The following KLHL29 variants were observed in gnomAD, a reference collection of about 807,000 sequenced individuals.
KLHL29 encodes kelch-like protein 29.
Under a neutral mutation model 80.4 loss-of-function variants are expected in KLHL29, and 21 were observed. The observed-to-expected ratio is 0.26, with a 90% CI of 0.19 to 0.38. The LOEUF (loss-of-function observed/expected upper bound fraction) is 0.38. Among genes scored for constraint, KLHL29 ranks in the 10% least tolerant of loss-of-function variants. The pLI is 1.00. For synonymous variants in KLHL29, 511 were observed against 526.8 expected, an observed-to-expected ratio of 0.97 and a Z score of 0.41; for missense variants, 867 against 1,223.9, an observed-to-expected ratio of 0.71 and a Z score of 4.35.
intron 3 of KLHL29, among the ~76,000 whole-genome samples, chr2:23,597,658 C>G (rs1668463109): frequency 6.6e-6 from 1 of 151,810 alleles, no homozygotes; most frequent in Non-Finnish European, 1.5e-5. Flanking sequence ...CTCCTGGCCT[C>G]AAGTGATCTG....
rs1019694789 is a variant in KLHL29 at position 23,480,729 on chromosome 2, C to A, written c.-46+5062C>A. Among the ~76,000 whole-genome samples the A allele has an allele frequency of 2.6e-5, 4 of 152,258 alleles. 1 individual carries two copies. Among genetic ancestry groups the A allele is most frequent in the Middle Eastern group, 3.4e-3 (1 of 294 alleles). ...CATCTTTCAGTTCCTTTAAAATCTACCCCCTGGATCAAGCCATCCAAAAGC... is the reference window on the plus strand; with the variant it reads ...CATCTTTCAGTTCCTTTAAAATCTAACCCCTGGATCAAGCCATCCAAAAGC... On this transcript the variant is annotated intron_variant, in intron 2 of 13. Transcript: ENST00000486442.
chr2:23,673,717 CCCTACACA>C (rs1670841547), intron 5 of KLHL29, among the ~76,000 whole-genome samples: 1 of 146,438 alleles, frequency 6.8e-6, no homozygotes, highest in Admixed American at 6.8e-5. Flanking sequence ...ACACACACAC[CCCTACACA>C]GGCACATACA....
In KLHL29 at chr2:23,541,138, G is replaced by A. The variant is rs552236427; in HGVS notation, c.-45-21014G>A. ...AGATTTCACAACTGAATTCTGTTGG[G>A]AACCTTTCTCACTTTCTTCGCTTGA... On this transcript the variant is annotated intron_variant, in intron 2 of 13. Transcript: ENST00000486442. 9.2e-5 allele frequency among the ~76,000 whole-genome samples: 14 copies of A among 152,346 alleles called. No individual in the cohort carries two copies. In the South Asian group the frequency reaches 2.7e-3, roughly 29 times the overall value.
At chr2:23,421,989 G>A (rs1483785023) in intron 1 of KLHL29, among the ~76,000 whole-genome samples, 1 of 109,410 alleles carries the variant, frequency 9.1e-6, no homozygotes, top group Admixed American at 8.1e-5. Context: ...GTGTTCATGT[G>A]TTTGTCTCTG....
At chr2:23,433,398 A>C (rs1396179026) in intron 1 of KLHL29, among the ~76,000 whole-genome samples, 1 of 152,118 alleles carries the variant, frequency 6.6e-6, no homozygotes, top group East Asian at 1.9e-4. Flanking sequence ...CATCATCCCC[A>C]TGAGGGAATC....
At chr2:23,623,532 A>G (rs1669237373) in intron 3 of KLHL29, among the ~76,000 whole-genome samples, 1 of 152,132 alleles carries the variant, frequency 6.6e-6, no homozygotes, top group South Asian at 2.1e-4. Flanking sequence ...CTGGGAGGAA[A>G]GCTCAAAGTG....
chr2:23,478,034 G>A (rs1664684022), intron 2 of KLHL29, among the ~76,000 whole-genome samples: 1 of 152,164 alleles, frequency 6.6e-6, no homozygotes, highest in Non-Finnish European at 1.5e-5. Context: ...AGTTTCACCA[G>A]GCATAGCTGG....
chr2:23,696,581 C>CT lies in KLHL29; in HGVS notation c.2105+69dup. ...CCAAGAACTGAAATCACGTCACTCACTGTACCTCCCAACACCCACTCAGTG... is the reference window on the plus strand; with the variant it reads ...CCAAGAACTGAAATCACGTCACTCACTTGTACCTCCCAACACCCACTCAGTG... On this transcript the variant is annotated intron_variant, in intron 11 of 13. Transcript: ENST00000486442. The surrounding 1 kb of genome is among the most constrained non-coding windows in gnomAD (Gnocchi z 5.5). 7.9e-7 allele frequency: 1 copy of CT among 1,263,224 alleles called. No individual in the cohort carries two copies. Among genetic ancestry groups the CT allele is most frequent in the African/African-American group, 1.5e-5 (1 of 66,668 alleles). The allele number at this position is 1,263,224 out of a possible 1,614,324, so 78.3% of individuals were successfully genotyped here. A position where few individuals can be genotyped will look rare whatever the true frequency, so the allele number is the denominator to read the frequency against.
intron 1 of KLHL29, among the ~76,000 whole-genome samples, chr2:23,416,389 C>A (rs972158406): frequency 6.6e-6 from 1 of 152,178 alleles, no homozygotes; most frequent in Non-Finnish European, 1.5e-5. Context: ...GCTGTGTTGT[C>A]CTCTGCAGGT....
intron 5 of KLHL29, among the ~76,000 whole-genome samples, chr2:23,646,973 G>A (rs1214878836): frequency 1.3e-5 from 2 of 152,214 alleles, no homozygotes; most frequent in East Asian, 1.9e-4. Flanking sequence ...TCTGGCTATT[G>A]CCTCTGGTCC....
chr2:23,698,695 A>C (rs11679039), intron 11 of KLHL29, among the ~76,000 whole-genome samples: 81,598 of 151,918 alleles, frequency 0.54, 22,650 homozygotes, highest in East Asian at 0.79. Flanking sequence ...TTTTATAGCA[A>C]TATATTGCAG....
chr2:23,704,055 AGGAGCCC>A (rs1672560809), intron 13 of KLHL29, among the ~76,000 whole-genome samples, 192 bp downstream of exon 13: 1 of 152,224 alleles, frequency 6.6e-6, no homozygotes, highest in South Asian at 2.1e-4. Context: ...CCTCTGGTCC[AGGAGCCC>A]AACCCCGGGG....
intron 3 of KLHL29, among the ~76,000 whole-genome samples, chr2:23,597,381 G>GTATATA (rs773511071): frequency 4.9e-4 from 29 of 58,894 alleles, no homozygotes; most frequent in African/African-American, 1.8e-3. Flanking sequence ...ATGTGTGTGT[G>GTATATA]TGTATATATA....
intron 2 of KLHL29, among the ~76,000 whole-genome samples, chr2:23,559,693 A>C (rs1428528240): frequency 6.6e-6 from 1 of 152,004 alleles, no homozygotes; most frequent in Non-Finnish European, 1.5e-5. Flanking sequence ...GTACCTGTGG[A>C]ACAGCTGGGG....
chr2:23,648,668 G>T (rs991674518), intron 5 of KLHL29, among the ~76,000 whole-genome samples: 24 of 152,110 alleles, frequency 1.6e-4, no homozygotes, highest in African/African-American at 5.8e-4. Context: ...GGATAATCAG[G>T]GTGCCAGGGA....
At chr2:23,454,296 C>T (rs557835250) in intron 1 of KLHL29, among the ~76,000 whole-genome samples, 3 of 152,272 alleles carry the variant, frequency 2.0e-5, no homozygotes, top group South Asian at 2.1e-4. Context: ...CTCCCCTCCC[C>T]TCCTGTCACG....
At chr2:23,605,592 ATTTT>A (rs1437015364) in intron 3 of KLHL29, among the ~76,000 whole-genome samples, 4 of 152,110 alleles carry the variant, frequency 2.6e-5, no homozygotes, top group Admixed American at 2.6e-4. Context: ...GATTTGGTAT[ATTTT>A]CAGAACATGT....
chr2:23,474,270 G>A (rs920807229), intron 1 of KLHL29, among the ~76,000 whole-genome samples: 6 of 152,176 alleles, frequency 3.9e-5, no homozygotes, highest in African/African-American at 1.4e-4. Context: ...TTAAATGAAT[G>A]AATGAATGAA....
intron 3 of KLHL29, among the ~76,000 whole-genome samples, chr2:23,629,505 C>CT (rs1009239954): frequency 1.3e-4 from 20 of 152,000 alleles, no homozygotes; most frequent in African/African-American, 4.8e-4. Flanking sequence ...AAGTTGAAAG[C>CT]TTTGAGTTGT....
Sources: gnomAD v4.1 joint callset for allele counts (sites outside exome capture counted in the v4.1 genomes callset) on GRCh38, gnomAD v4.1.1 for gene constraint, Gnocchi (gnomAD v3.1) non-coding constraint, MANE v1.5 for transcripts, NCBI Gene and HGNC (gene_info 2026-07-23, HGNC 2026-07-21) for gene names.